TYW3: variants seen among roughly 807,000 people sequenced by gnomAD.
The protein encoded by TYW3 is tRNA wybutosine-synthesizing protein 3 homolog.
In TYW3, 26 loss-of-function variants were observed where a neutral mutation model predicts 23.1. The observed-to-expected ratio is 1.13, with a 90% CI of 0.83 to 1.56. The LOEUF (loss-of-function observed/expected upper bound fraction) is 1.56, where lower values mean the gene tolerates loss of function less well. TYW3 is among the 40% of genes most tolerant of loss of function. The probability of loss-of-function intolerance (pLI) is 0.00; values close to 1 mark genes in which losing one functional copy is unlikely to be tolerated. For synonymous variants in TYW3, 102 were observed against 105.7 expected, an observed-to-expected ratio of 0.97 and a Z score of 0.21; for missense variants, 316 against 311.9, an observed-to-expected ratio of 1.01 and a Z score of -0.10.
intron 5 of TYW3, among the ~76,000 whole-genome samples, chr1:74,757,026 C>T (rs759272421): frequency 6.6e-6 from 1 of 152,236 alleles, no homozygotes; most frequent in Non-Finnish European, 1.5e-5. Flanking sequence ...GGACAAAAGT[C>T]AAGAATTGGC....
chr1:74,757,394 C>G (rs530130587), intron 5 of TYW3, among the ~76,000 whole-genome samples: 1 of 152,372 alleles, frequency 6.6e-6, no homozygotes, highest in South Asian at 2.1e-4. Flanking sequence ...CCACCTCTTG[C>G]ATCAGCATGA....
At chr1:74,752,471 A>G (rs1443918647) in intron 5 of TYW3, 46 bp downstream of exon 5, 1 of 1,558,080 alleles carries the variant, frequency 6.4e-7, no homozygotes. Context: ...TGCCTAGATC[A>G]TCCTTGAAAA....
intron 3 of TYW3, 188 bp from the exon 4 acceptor site, chr1:74,748,563 A>G (rs1648668626): frequency 1.7e-6 from 1 of 574,824 alleles, no homozygotes; most frequent in Non-Finnish European, 3.1e-6. Flanking sequence ...TCATATTTCA[A>G]TATTTTTCCT....
intron 1 of TYW3, chr1:74,736,144 T>C (rs1648145230): frequency 6.5e-6 from 1 of 153,004 alleles, no homozygotes; most frequent in South Asian, 2.0e-4. Flanking sequence ...TAGTAGGTCT[T>C]GTGTGGAATT....
intron 1 of TYW3, 128 bp downstream of exon 1, chr1:74,733,546 T>C: frequency 6.9e-7 from 1 of 1,442,742 alleles, no homozygotes; most frequent in Non-Finnish European, 9.1e-7. Flanking sequence ...TCTCTGTTTC[T>C]TTATATGTGA....
rs1201191271 is a variant in TYW3 at position 74,765,679 on chromosome 1, A to C, written c.*1566A>C. On this transcript the variant is annotated 3_prime_UTR_variant, in exon 6 of 6. Coordinates refer to ENST00000370867, the MANE Select transcript of TYW3 (RefSeq NM_138467.3). The stretch of plus-strand genomic sequence containing the variant: ...AATAACAGTAGGAAAGAGAGAGTGC[A>C]GGTGGAACGAGCCTATCCTGTGGTG... 6.6e-6 allele frequency: 1 copy of C among 152,128 alleles called. No individual in the cohort carries two copies. Among genetic ancestry groups the C allele is most frequent in the Non-Finnish European group, 1.5e-5 (1 of 68,018 alleles). The allele number at this position is 152,128 out of a possible 1,614,324, so 9.4% of individuals were successfully genotyped here.
chr1:74,735,311 CT>C (rs1370667179), intron 1 of TYW3, among the ~76,000 whole-genome samples: 1 of 151,904 alleles, frequency 6.6e-6, no homozygotes, highest in African/African-American at 2.4e-5. Flanking sequence ...TATTTACTTG[CT>C]TTTGCTCATG....
At chr1:74,747,683 GGATGTGAGTATGTATACATA>G (rs1429366149) in intron 3 of TYW3, among the ~76,000 whole-genome samples, 2 of 151,044 alleles carry the variant, frequency 1.3e-5, no homozygotes, top group Non-Finnish European at 1.5e-5. Context: ...AAGAAAGACT[GGATGTGAGTATGTATACATA>G]TGTGTGTGTG....
chr1:74,752,228 C>T, intron 4 of TYW3, 64 bp from the exon 5 acceptor site: 1 of 1,510,138 alleles, frequency 6.6e-7, no homozygotes, highest in Non-Finnish European at 8.9e-7. Context: ...CGGGACTTTT[C>T]TTGAGTTATT....
rs547937199 is a variant in TYW3, at chr1:74,744,906, T to G, written c.355-3845T>G. On this transcript the variant is annotated intron_variant, in intron 3 of 5. Transcript: ENST00000370867. Reference sequence around the variant, plus strand: ...GCTCTTAAAGGTGGTGTGTCCAGAGTTGTTTGTTCATCCCGGTGGGTTCAT... The same window carrying G: ...GCTCTTAAAGGTGGTGTGTCCAGAGGTGTTTGTTCATCCCGGTGGGTTCAT... Among the ~76,000 whole-genome samples the G allele has an allele frequency of 2.8e-4, 42 of 149,906 alleles. No homozygotes were observed. The East Asian group carries it at 8.1e-3, about 29-fold the overall frequency.
Position 74,752,141 on chromosome 1 carries a change from T to C in TYW3, c.427-151T>C, listed in dbSNP as rs949590878. 7 of 681,390 alleles carry C rather than the reference T, an allele frequency of 1.0e-5. No homozygotes were observed. The African/African-American group carries it at 1.3e-4, about 13-fold the overall frequency. The allele number at this position is 681,390 out of a possible 1,614,324, so 42.2% of individuals were successfully genotyped here. On this transcript the variant is annotated intron_variant, in intron 4 of 5. Coordinates refer to ENST00000370867, the MANE Select transcript of TYW3 (RefSeq NM_138467.3). ...TTTATTTAATCTCCTTTGCTTTAACTGTGCTCAGCTAAATTCTATCAAAGC... is the reference window on the plus strand; with the variant it reads ...TTTATTTAATCTCCTTTGCTTTAACCGTGCTCAGCTAAATTCTATCAAAGC...
intron 5 of TYW3, chr1:74,761,559 A>G (rs1649137730): frequency 6.6e-6 from 1 of 152,116 alleles, no homozygotes; most frequent in South Asian, 2.1e-4. Context: ...ATGAGGTTGT[A>G]TAACAGGGAT....
At chr1:74,751,729 A>C (rs544098516) in intron 4 of TYW3, among the ~76,000 whole-genome samples, 2 of 151,942 alleles carry the variant, frequency 1.3e-5, no homozygotes, top group Non-Finnish European at 2.9e-5. Flanking sequence ...ATTTTTATAG[A>C]CCTTGTATGG....
chr1:74,749,688 C>T (rs998535489), intron 4 of TYW3, among the ~76,000 whole-genome samples: 2 of 152,176 alleles, frequency 1.3e-5, no homozygotes, highest in Admixed American at 1.3e-4. Context: ...AAAGCCTGGC[C>T]AGGCGTGGTG....
At chr1:74,744,819 G>GGTCT (rs1475438206) in intron 3 of TYW3, among the ~76,000 whole-genome samples, 1 of 152,182 alleles carries the variant, frequency 6.6e-6, no homozygotes, top group African/African-American at 2.4e-5. Context: ...CTTCCTTCTT[G>GGTCT]TGGGTTCATG....
intron 5 of TYW3, among the ~76,000 whole-genome samples, chr1:74,762,762 A>G (rs1649173275): frequency 6.6e-6 from 1 of 152,292 alleles, no homozygotes; most frequent in Middle Eastern, 3.4e-3. Context: ...ATTAGCTGAC[A>G]TCACCTTTCC....
At position 74,764,781 on chromosome 1, in the gene TYW3, A is replaced by G. The variant is rs1341204017; in HGVS notation, c.*668A>G. 6.6e-6 allele frequency: 1 copy of G among 152,206 alleles called. No homozygotes were observed. The highest frequency in any genetic ancestry group is 2.4e-5 in the African/African-American group (1 of 41,444). The allele number at this position is 152,206 out of a possible 1,614,324, so 9.4% of individuals were successfully genotyped here. A position where few individuals can be genotyped will look rare whatever the true frequency, so the allele number is the denominator to read the frequency against. On this transcript the variant is annotated 3_prime_UTR_variant, in exon 6 of 6. Transcript: ENST00000370867. ...TACCATTTCATTTAGGACTAAAAGG[A>G]CAAGATACAAGTTCACATGATGGGA...
At position 74,744,796 on chromosome 1, in the gene TYW3, G is replaced by A. The variant is rs184626126; in HGVS notation, c.355-3955G>A. ...AGTTTGTTCCTGCAGATGTTCAGAT[G>A]TGTCTGGAGTTTCTTCCTTCTTGTG... is the stretch of plus-strand genomic sequence containing the variant. On this transcript the variant is annotated intron_variant, in intron 3 of 5. Transcript: ENST00000370867. Among the ~76,000 whole-genome samples the A allele has an allele frequency of 1.7e-3, 257 of 152,312 alleles. 1 individual carries two copies. Among genetic ancestry groups the A allele is most frequent in the Admixed American group, 2.7e-3 (42 of 15,304 alleles).
At chr1:74,753,028 TTTTC>T (rs1266261353) in intron 5 of TYW3, among the ~76,000 whole-genome samples, 1 of 152,218 alleles carries the variant, frequency 6.6e-6, no homozygotes, top group Non-Finnish European at 1.5e-5. Context: ...TTCTATATTA[TTTTC>T]TTTAACAACT....
Sources: gnomAD v4.1 joint callset for allele counts (sites outside exome capture counted in the v4.1 genomes callset) on GRCh38, gnomAD v4.1.1 for gene constraint, MANE v1.5 for transcripts, NCBI Gene and HGNC (gene_info 2026-07-23, HGNC 2026-07-21) for gene names.